The following GPC5 variants were observed in gnomAD, a reference collection of about 807,000 sequenced individuals.
The protein encoded by GPC5 is glypican 5.
A neutral mutation model predicts 53.9 loss-of-function variants in GPC5; 47 were observed. The observed-to-expected ratio is 0.87, with a 90% confidence interval of 0.69 to 1.11. The LOEUF (loss-of-function observed/expected upper bound fraction) is 1.11. GPC5 is among the 50% of genes most tolerant of loss of function. The pLI is 0.00. For missense variants in GPC5, 748 were observed against 713.1 expected (o/e 1.05, Z -0.56); for synonymous variants, 286 against 263.3 (o/e 1.09, Z -0.84).
At chr13:92,517,814 A>T (rs1395531164) in intron 7 of GPC5, among the ~76,000 whole-genome samples, 1 of 152,230 alleles carries the variant, frequency 6.6e-6, no homozygotes, top group Non-Finnish European at 1.5e-5. Context: ...CCAGCAATGG[A>T]ACAAAGCTGG....
chr13:91,667,300 A>G (rs2035138042), intron 2 of GPC5, among the ~76,000 whole-genome samples: 1 of 152,202 alleles, frequency 6.6e-6, no homozygotes, highest in Non-Finnish European at 1.5e-5. Context: ...CTAGATACAT[A>G]TGTATGTGTG....
At position 92,006,364 on chromosome 13, in the gene GPC5, T is replaced by C. The variant is rs531781746; in HGVS notation, c.1401+98307T>C. On this transcript the variant is annotated intron_variant, in intron 6 of 7. Transcript: ENST00000377067. ...GTGAAATGTGAGATTACTTCCTAAATGAACTCTAGTTGCCTTATCTGGAAA... is the reference window on the plus strand; with the variant it reads ...GTGAAATGTGAGATTACTTCCTAAACGAACTCTAGTTGCCTTATCTGGAAA... 9.3e-4 allele frequency among the ~76,000 whole-genome samples: 141 copies of C among 152,296 alleles called. 1 individual carries two copies. The Middle Eastern group carries it at 0.034, about 37-fold the overall frequency.
At chr13:92,611,880 G>A (rs944270305) in intron 7 of GPC5, among the ~76,000 whole-genome samples, 5 of 151,998 alleles carry the variant, frequency 3.3e-5, no homozygotes, top group African/African-American at 1.2e-4. Context: ...ACTGCCATAC[G>A]ATTCCAAATG....
At chr13:91,524,306 AAACATATTAT>A (rs1885982733) in intron 2 of GPC5, among the ~76,000 whole-genome samples, 1 of 152,088 alleles carries the variant, frequency 6.6e-6, no homozygotes. Context: ...TTTCACTCTA[AAACATATTAT>A]AACATGGGGT....
At chr13:92,281,638 G>T (rs1275743166) in intron 7 of GPC5, among the ~76,000 whole-genome samples, 1 of 152,198 alleles carries the variant, frequency 6.6e-6, no homozygotes, top group South Asian at 2.1e-4. Flanking sequence ...GGCAAACAGG[G>T]TCTGGAGTGG....
At chr13:92,750,870 G>A (rs1277782924) in intron 7 of GPC5, among the ~76,000 whole-genome samples, 2 of 152,138 alleles carry the variant, frequency 1.3e-5, no homozygotes, top group Non-Finnish European at 1.5e-5. Flanking sequence ...AGTATGATAT[G>A]TATGTTTTCT....
chr13:92,663,848 CACACACACTATATATATATATATA>C (rs1566350993), intron 7 of GPC5, among the ~76,000 whole-genome samples: 5,333 of 116,940 alleles, frequency 0.046, 202 homozygotes, highest in Non-Finnish European at 0.07. Flanking sequence ...TATATATACA[CACACACACTATATATATATATATA>C]TATATATATA....
chr13:92,261,505 T>C (rs1048600836), intron 7 of GPC5, among the ~76,000 whole-genome samples: 2 of 151,760 alleles, frequency 1.3e-5, no homozygotes, highest in African/African-American at 4.8e-5. Flanking sequence ...TTCACCTTAA[T>C]AGGAAAAAAA....
chr13:91,511,109 G>T (rs753567034), intron 2 of GPC5, among the ~76,000 whole-genome samples: 14 of 152,032 alleles, frequency 9.2e-5, no homozygotes, highest in Non-Finnish European at 1.9e-4. Flanking sequence ...TGAGTTTGTA[G>T]TTAAATGATT....
intron 7 of GPC5, among the ~76,000 whole-genome samples, chr13:92,274,021 C>G (rs9301791): frequency 0.29 from 43,741 of 152,004 alleles, 6,408 homozygotes; most frequent in Middle Eastern, 0.48. Flanking sequence ...CTCTGTAGGA[C>G]TAGATACCAA....
At chr13:91,838,582 CA>C (rs1272829678) in intron 5 of GPC5, among the ~76,000 whole-genome samples, 1 of 151,788 alleles carries the variant, frequency 6.6e-6, no homozygotes, top group Non-Finnish European at 1.5e-5. Flanking sequence ...CAGAAGTAGA[CA>C]ATAACTTTGA....
At chr13:91,572,035 GTGTATATA>G (rs2031887809) in intron 2 of GPC5, among the ~76,000 whole-genome samples, 3 of 110,658 alleles carry the variant, frequency 2.7e-5, no homozygotes, top group African/African-American at 1.4e-4. Context: ...GTGTATATAT[GTGTATATA>G]CACACATATG....
intron 7 of GPC5, among the ~76,000 whole-genome samples, chr13:92,712,134 A>G (rs934567964): frequency 1.3e-5 from 2 of 151,950 alleles, no homozygotes; most frequent in African/African-American, 2.4e-5. Flanking sequence ...ATGATAAACC[A>G]CTAGTGAGAC....
chr13:91,855,785 A>G (rs1008145054), intron 5 of GPC5, among the ~76,000 whole-genome samples: 2 of 151,618 alleles, frequency 1.3e-5, no homozygotes, highest in African/African-American at 4.8e-5. Flanking sequence ...TTGATGATTC[A>G]GTCTAGTACT....
In GPC5 at chr13:92,350,834, A is replaced by G. The variant is rs150231493; in HGVS notation, c.1561+205845A>G. Among the ~76,000 whole-genome samples the G allele has an allele frequency of 8.1e-3, 1,227 of 152,288 alleles. 62 individuals are homozygous for G. The highest frequency in any genetic ancestry group is 0.067 in the Admixed American group (1,027 of 15,282). On this transcript the variant is annotated intron_variant, in intron 7 of 7. Coordinates refer to ENST00000377067, the MANE Select transcript of GPC5 (RefSeq NM_004466.6). ...TTTACAATAAAATAGTTTTTAAAAG[A>G]CCAAGACAATTCAAAAAGTTTAGAG...
At chr13:92,445,267 T>C (rs2139391370) in intron 7 of GPC5, among the ~76,000 whole-genome samples, 1 of 151,384 alleles carries the variant, frequency 6.6e-6, no homozygotes, top group African/African-American at 2.4e-5. Flanking sequence ...CTCTCTTTTT[T>C]TTTTTAACAA....
intron 6 of GPC5, among the ~76,000 whole-genome samples, chr13:91,981,447 G>T (rs1257238668): frequency 6.6e-6 from 1 of 152,060 alleles, no homozygotes; most frequent in African/African-American, 2.4e-5. Flanking sequence ...CCGCCACTAC[G>T]CCCGGCTAAT....
intron 2 of GPC5, among the ~76,000 whole-genome samples, chr13:91,653,613 AC>A (rs892486953): frequency 2.3e-4 from 35 of 152,264 alleles, no homozygotes; most frequent in Middle Eastern, 3.4e-3. Flanking sequence ...AAACAAAAAA[AC>A]ATAATCAATC....
chr13:92,616,300 G>A (rs1330951034), intron 7 of GPC5, among the ~76,000 whole-genome samples: 5 of 152,120 alleles, frequency 3.3e-5, no homozygotes, highest in Non-Finnish European at 7.4e-5. Context: ...GAAACACAAA[G>A]AGAGTTTTCA....
Sources: allele counts gnomAD v4.1 joint callset (sites outside exome capture counted in the v4.1 genomes callset), GRCh38; gene constraint gnomAD v4.1.1; transcripts MANE v1.5; gene names NCBI Gene and HGNC (gene_info 2026-07-23, HGNC 2026-07-21).